Variants in ANKS1B observed in about 807,000 individuals in gnomAD.
ANKS1B encodes the protein ankyrin repeat and sterile alpha motif domain containing 1B, also known as ankyrin repeat and sterile alpha motif domain-containing protein 1B.
ANKS1B carries 36 observed loss-of-function variants against 148.3 expected under a neutral mutation model. The ratio of observed to expected loss-of-function variants is 0.24; its 90% confidence interval spans 0.19 to 0.32. ANKS1B has a LOEUF of 0.32. Ranked by LOEUF, ANKS1B falls within the 10% of genes least tolerant of loss-of-function variation. The pLI is 1.00. For missense variants in ANKS1B, 1,157 were observed against 1,542.6 expected (o/e 0.75, Z 4.19); for synonymous variants, 542 against 560.8 (o/e 0.97, Z 0.47).
At chr12:98,996,409 C>T (rs777157111) in intron 17 of ANKS1B, among the ~76,000 whole-genome samples, 1 of 152,060 alleles carries the variant, frequency 6.6e-6, no homozygotes, top group Non-Finnish European at 1.5e-5. Flanking sequence ...TCTGAGTGTT[C>T]CCAGCACTTC....
chr12:99,099,565 G>A (rs1045169191), intron 15 of ANKS1B, among the ~76,000 whole-genome samples: 6 of 152,162 alleles, frequency 3.9e-5, no homozygotes, highest in African/African-American at 1.4e-4. Context: ...TCCATGCCTG[G>A]AGCATTCTCC....
chr12:99,088,100 G>C (rs1207097297), intron 15 of ANKS1B, among the ~76,000 whole-genome samples: 1 of 152,192 alleles, frequency 6.6e-6, no homozygotes, highest in Non-Finnish European at 1.5e-5. Flanking sequence ...AAGAAAAATA[G>C]TGAAAATGTG....
At chr12:99,591,445 A>T (rs2097702381) in intron 9 of ANKS1B, among the ~76,000 whole-genome samples, 2 of 152,102 alleles carry the variant, frequency 1.3e-5, no homozygotes, top group Admixed American at 1.3e-4. Flanking sequence ...TATATTGGTA[A>T]AAATAATATA....
intron 22 of ANKS1B, among the ~76,000 whole-genome samples, chr12:98,790,806 A>G (rs2098842009): frequency 6.6e-6 from 1 of 152,220 alleles, no homozygotes; most frequent in Admixed American, 6.5e-5. Flanking sequence ...GTGGATCAAT[A>G]TACCTGGGCC....
In ANKS1B at chr12:98,781,144, T is replaced by C; in HGVS notation, c.3414A>G (p.Gly1138=). The change falls in exon 24 of 27, where the codon GGA becomes GGG. Residue 1138 remains glycine (G), a synonymous_variant. Transcript: ENST00000683438. ...TATTTGTTGCATCAATAAATTTGAC[T>C]CCTTTATATGAGACAGAAAGAATAA... ...PTIILSVSYK[G]VKFIDATNKN... The C allele has an allele frequency of 1.3e-6, 2 of 1,582,068 alleles. No individual in the cohort carries two copies.
chr12:99,827,864 C>T (rs922989745), intron 1 of ANKS1B, among the ~76,000 whole-genome samples: 1 of 152,084 alleles, frequency 6.6e-6, no homozygotes, highest in African/African-American at 2.4e-5. Flanking sequence ...ATACAAATAC[C>T]ACACATAACT....
intron 15 of ANKS1B, among the ~76,000 whole-genome samples, chr12:99,152,489 G>A (rs1388977537): frequency 2.0e-5 from 3 of 152,064 alleles, no homozygotes; most frequent in Admixed American, 2.0e-4. Flanking sequence ...AAATTTTGAA[G>A]TGCTTATACA....
intron 16 of ANKS1B, among the ~76,000 whole-genome samples, chr12:99,065,954 G>A (rs1034169975): frequency 1.3e-5 from 2 of 152,112 alleles, no homozygotes; most frequent in African/African-American, 4.8e-5. Context: ...TGGTGTGGCA[G>A]GTGCAGTATT....
At position 99,033,504 on chromosome 12, in the gene ANKS1B, A is replaced by G. The variant is rs2099953593; in HGVS notation, c.2778+19653T>C. Among the ~76,000 whole-genome samples, 3 of 152,146 alleles carry G rather than the reference A, an allele frequency of 2.0e-5. 1 individual carries two copies. The South Asian group carries it at 6.2e-4, about 32-fold the overall frequency. On this transcript the variant is annotated intron_variant, in intron 17 of 26. Transcript: ENST00000683438. ...AAATCAATTTATAGAAGTAACTTGT[A>G]TCACAAAAAATTAGCCAGGCATGGT...
chr12:99,770,894 G>A (rs2063127431), intron 8 of ANKS1B, among the ~76,000 whole-genome samples: 1 of 152,030 alleles, frequency 6.6e-6, no homozygotes, highest in South Asian at 2.1e-4. Flanking sequence ...CTATTGTAAA[G>A]GTTTGTCACA....
At chr12:99,423,896 T>G (rs958244776) in intron 11 of ANKS1B, among the ~76,000 whole-genome samples, 17 of 152,054 alleles carry the variant, frequency 1.1e-4, no homozygotes. Context: ...GTACTAGGCT[T>G]AACCTGGGTG....
At chr12:99,365,888 CAA>C (rs1330079401) in intron 12 of ANKS1B, among the ~76,000 whole-genome samples, 1 of 151,776 alleles carries the variant, frequency 6.6e-6, no homozygotes, top group Non-Finnish European at 1.5e-5. Context: ...CGTACTGAAA[CAA>C]AATTGTATAA....
At chr12:99,791,382 C>T (rs1306339901) in intron 4 of ANKS1B, among the ~76,000 whole-genome samples, 1 of 152,018 alleles carries the variant, frequency 6.6e-6, no homozygotes, top group East Asian at 1.9e-4. Context: ...GACAGAAAAT[C>T]AACAGATAAA....
intron 9 of ANKS1B, among the ~76,000 whole-genome samples, chr12:99,620,348 G>T (rs1442644623): frequency 3.9e-5 from 6 of 152,124 alleles, no homozygotes; most frequent in African/African-American, 1.4e-4. Flanking sequence ...CACCACCAAA[G>T]GATCACACTA....
intron 9 of ANKS1B, among the ~76,000 whole-genome samples, chr12:99,638,482 C>T (rs900412571): frequency 3.3e-5 from 5 of 152,240 alleles, no homozygotes; most frequent in Non-Finnish European, 7.3e-5. Flanking sequence ...TAGCATTTTG[C>T]TCCTGTCCTA....
At chr12:99,070,705 G>T (rs1224304278) in intron 16 of ANKS1B, among the ~76,000 whole-genome samples, 1 of 152,130 alleles carries the variant, frequency 6.6e-6, no homozygotes, top group Non-Finnish European at 1.5e-5. Flanking sequence ...TAGAGACAGG[G>T]TCTCATTCTG....
At chr12:99,183,780 T>C (rs1218897886) in intron 14 of ANKS1B, among the ~76,000 whole-genome samples, 1 of 152,206 alleles carries the variant, frequency 6.6e-6, no homozygotes, top group Non-Finnish European at 1.5e-5. Flanking sequence ...GAATCTCCAA[T>C]AAGGGTTATA....
At chr12:99,894,349 A>G (rs1486840717) in intron 1 of ANKS1B, among the ~76,000 whole-genome samples, 3 of 148,862 alleles carry the variant, frequency 2.0e-5, no homozygotes, top group Non-Finnish European at 1.5e-5. Context: ...AAAAGAAAAG[A>G]AAAAAGAAAA....
chr12:98,894,109 A>C lies in ANKS1B; in HGVS notation c.2779-61973T>G, dbSNP rs541116386. On this transcript the variant is annotated intron_variant, in intron 17 of 26. Coordinates refer to ENST00000683438, the MANE Select transcript of ANKS1B (RefSeq NM_001352186.2). The stretch of plus-strand genomic sequence containing the variant: ...AAAGTCCATGCCCACGTCCCCCTCT[A>C]ATTAATCAATGTAGAAAGAAATACG... Among the ~76,000 whole-genome samples, 226 of 152,232 alleles carry C rather than the reference A, an allele frequency of 1.5e-3. 1 individual carries two copies. The highest frequency in any genetic ancestry group is 5.3e-3 in the African/African-American group (220 of 41,522).
Sources: allele counts gnomAD v4.1 joint callset (sites outside exome capture counted in the v4.1 genomes callset), GRCh38; gene constraint gnomAD v4.1.1; transcripts MANE v1.5; gene names NCBI Gene and HGNC (gene_info 2026-07-23, HGNC 2026-07-21).